The following NALCN variants were observed in gnomAD, a reference collection of about 807,000 sequenced individuals.
NALCN encodes the protein sodium leak channel NALCN.
NALCN carries 111 observed loss-of-function variants against 225.3 expected under a neutral mutation model. That is an observed-to-expected ratio of 0.49 (90% CI 0.42 to 0.58). The LOEUF is 0.58. NALCN is among the 20% of genes least tolerant of loss of function. NALCN has a pLI of 0.00. For synonymous variants in NALCN, 764 were observed against 769.0 expected, an observed-to-expected ratio of 0.99 and a Z score of 0.11; for missense variants, 1,378 against 2,202.4, an observed-to-expected ratio of 0.63 and a Z score of 7.49.
intron 30 of NALCN, among the ~76,000 whole-genome samples, chr13:101,088,893 CTTTTTTTCT>C (rs1396043279): frequency 3.0e-5 from 4 of 131,908 alleles, no homozygotes; most frequent in Admixed American, 7.5e-5. Context: ...ATTAGAAAAT[CTTTTTTTCT>C]TTTTTTTCTT....
chr13:101,253,394 C>A (rs1461750190), intron 11 of NALCN, among the ~76,000 whole-genome samples: 3 of 152,232 alleles, frequency 2.0e-5, no homozygotes, highest in East Asian at 1.9e-4. Flanking sequence ...AAAATAACTT[C>A]TTTAAAAGCT....
intron 15 of NALCN, among the ~76,000 whole-genome samples, chr13:101,174,604 G>C (rs1241680825): frequency 6.6e-6 from 1 of 152,020 alleles, no homozygotes; most frequent in Non-Finnish European, 1.5e-5. Context: ...ATATAAATAA[G>C]TTAAAATGTT....
chr13:101,235,949 T>A (rs7321443), intron 12 of NALCN, among the ~76,000 whole-genome samples: 41,125 of 152,176 alleles, frequency 0.27, 6,585 homozygotes, highest in Non-Finnish European at 0.37. Flanking sequence ...TTGCAATGCA[T>A]GTTCTTTTTC....
At chr13:101,150,167 C>G (rs1405544568) in intron 15 of NALCN, among the ~76,000 whole-genome samples, 1 of 9,572 alleles carries the variant, frequency 1.0e-4, no homozygotes, top group South Asian at 8.3e-3. Flanking sequence ...GTATGTACTC[C>G]ATTCCACGTG....
chr13:101,119,115 G>A (rs754999448), intron 18 of NALCN, among the ~76,000 whole-genome samples: 6 of 152,082 alleles, frequency 3.9e-5, no homozygotes, highest in East Asian at 1.9e-4. Context: ...GAATGAATGC[G>A]TGAATTCTTA....
intron 34 of NALCN, among the ~76,000 whole-genome samples, chr13:101,080,868 T>C (rs1594162161): frequency 1.3e-5 from 2 of 151,942 alleles, no homozygotes; most frequent in Admixed American, 1.3e-4. Flanking sequence ...TGTGGCCACA[T>C]TTTATTTTCA....
At chr13:101,134,432 A>G (rs1022342595) in intron 17 of NALCN, among the ~76,000 whole-genome samples, 1 of 152,224 alleles carries the variant, frequency 6.6e-6, no homozygotes, top group African/African-American at 2.4e-5. Flanking sequence ...TCCTTAGGAT[A>G]TGTATAATGT....
chr13:101,103,022 G>T, intron 26 of NALCN, 150 bp downstream of exon 26: 2 of 850,830 alleles, frequency 2.4e-6, no homozygotes, highest in Non-Finnish European at 3.6e-6. Context: ...GTGTTTGAAG[G>T]TGCATTGTGT....
intron 15 of NALCN, among the ~76,000 whole-genome samples, chr13:101,175,411 A>C (rs989077095): frequency 3.3e-5 from 5 of 152,136 alleles, no homozygotes; most frequent in Non-Finnish European, 7.4e-5. Context: ...AAAAATAGAG[A>C]GCTTTGGGAA....
intron 10 of NALCN, among the ~76,000 whole-genome samples, chr13:101,264,242 A>G (rs1940489824): frequency 6.6e-6 from 1 of 152,038 alleles, no homozygotes; most frequent in African/African-American, 2.4e-5. Flanking sequence ...TTATTTATAT[A>G]TTTTAATATA....
chr13:101,391,713 A>G (rs953131185), intron 3 of NALCN, among the ~76,000 whole-genome samples: 1 of 145,010 alleles, frequency 6.9e-6, no homozygotes, highest in African/African-American at 2.6e-5. Flanking sequence ...GGTCTGCCAC[A>G]GTGGCTCACG....
Position 101,067,336 on chromosome 13 carries a change from A to G in NALCN, c.4446+582T>C, listed in dbSNP as rs191748279. 7.8e-3 allele frequency among the ~76,000 whole-genome samples: 599 copies of G among 76,434 alleles called. 6 individuals are homozygous for G. Among genetic ancestry groups the G allele is most frequent in the Non-Finnish European group, 0.011 (460 of 40,632 alleles). The allele number at this position is 76,434 out of a possible 152,430, so 50.1% of individuals were successfully genotyped here. ...GAGGAGGGGGAAGAGGAGGGGGAAG[A>G]AGAGGGGGTAGAGGAGGAGGAGTAG... On this transcript the variant is annotated intron_variant, in intron 39 of 43. Coordinates refer to ENST00000251127, the MANE Select transcript of NALCN (RefSeq NM_052867.4).
intron 1 of NALCN, among the ~76,000 whole-genome samples, chr13:101,400,982 G>T (rs143349681): frequency 0.019 from 2,967 of 152,240 alleles, 92 homozygotes; most frequent in African/African-American, 0.068. Context: ...GACCATGATT[G>T]TAAGTTTCCT....
At chr13:101,172,719 G>A (rs772412417) in intron 15 of NALCN, among the ~76,000 whole-genome samples, 8 of 149,590 alleles carry the variant, frequency 5.3e-5, no homozygotes, top group Middle Eastern at 3.4e-3. Flanking sequence ...GCCACCACGC[G>A]CAGCTAATTT....
chr13:101,260,637 T>C (rs2042393827), intron 10 of NALCN, among the ~76,000 whole-genome samples: 1 of 152,230 alleles, frequency 6.6e-6, no homozygotes, highest in African/African-American at 2.4e-5. Context: ...TTGAACACCT[T>C]TTCATATGCC....
At chr13:101,406,436 C>T (rs2047626875) in intron 1 of NALCN, among the ~76,000 whole-genome samples, 1 of 152,282 alleles carries the variant, frequency 6.6e-6, no homozygotes, top group South Asian at 2.1e-4. Flanking sequence ...ATGTGCCTGA[C>T]AGAACTATTG....
At chr13:101,384,897 C>T (rs942790435) in intron 3 of NALCN, among the ~76,000 whole-genome samples, 3 of 152,212 alleles carry the variant, frequency 2.0e-5, no homozygotes, top group Non-Finnish European at 4.4e-5. Flanking sequence ...CAAATGCATT[C>T]CTCCAACAAA....
chr13:101,153,293 C>T (rs1474769970), intron 15 of NALCN, among the ~76,000 whole-genome samples: 1 of 152,108 alleles, frequency 6.6e-6, no homozygotes, highest in Non-Finnish European at 1.5e-5. Flanking sequence ...CTATACAAAC[C>T]AAAGCTATCA....
rs1416837724 is a variant in NALCN, at chr13:101,107,594, C to T, written c.2472G>A (p.Glu824=). ...AGTATGGGTGGTTCTCTCTGAGTTCCTCTTCTTGCACTTTCCTTGAAGGAG... is the reference window on the plus strand; with the variant it reads ...AGTATGGGTGGTTCTCTCTGAGTTCTTCTTCTTGCACTTTCCTTGAAGGAG... ...QAEMKRKVQE[E]ELRENHPYFD... is the part of the protein sequence containing the mutation. The change falls in exon 22 of 44, where the codon GAG becomes GAA. Residue 824 remains glutamate (E), a synonymous_variant. Coordinates refer to ENST00000251127, the MANE Select transcript of NALCN (RefSeq NM_052867.4). 4.3e-6 allele frequency: 7 copies of T among 1,613,996 alleles called. No homozygotes were observed. The highest frequency in any genetic ancestry group is 1.3e-5 in the African/African-American group (1 of 74,938).
Sources: allele counts gnomAD v4.1 joint callset (sites outside exome capture counted in the v4.1 genomes callset), GRCh38; gene constraint gnomAD v4.1.1; transcripts MANE v1.5; gene names NCBI Gene and HGNC (gene_info 2026-07-23, HGNC 2026-07-21).